SGCZ: variants seen among roughly 807,000 people sequenced by gnomAD.
The protein encoded by SGCZ is sarcoglycan zeta, also known as zeta-sarcoglycan.
Under a neutral mutation model 41.3 loss-of-function variants are expected in SGCZ, and 40 were observed. The ratio of observed to expected loss-of-function variants is 0.97; its 90% CI spans 0.75 to 1.26. The LOEUF (loss-of-function observed/expected upper bound fraction) is 1.26, where lower values mean the gene tolerates loss of function less well. SGCZ is among the 50% of genes most tolerant of loss of function. The probability of loss-of-function intolerance (pLI) is 0.00; values close to 1 mark genes in which losing one functional copy is unlikely to be tolerated. For missense variants in SGCZ, 552 were observed against 369.8 expected, an observed-to-expected ratio of 1.49 and a Z score of -4.04; for synonymous variants, 206 against 137.5, an observed-to-expected ratio of 1.50 and a Z score of -3.49.
chr8:14,473,476 T>TA (rs1801268493), intron 2 of SGCZ, among the ~76,000 whole-genome samples: 1 of 152,074 alleles, frequency 6.6e-6, no homozygotes, highest in African/African-American at 2.4e-5. Flanking sequence ...TACATAACAT[T>TA]AAAAAATGAA....
intron 1 of SGCZ, among the ~76,000 whole-genome samples, chr8:14,772,900 G>C (rs1340403133): frequency 6.6e-6 from 1 of 151,994 alleles, no homozygotes; most frequent in African/African-American, 2.4e-5. Flanking sequence ...CTGTGCATGT[G>C]TCTTTATAGC....
intron 3 of SGCZ, among the ~76,000 whole-genome samples, chr8:14,300,394 G>A (rs1801148120): frequency 6.6e-6 from 1 of 151,642 alleles, no homozygotes; most frequent in Non-Finnish European, 1.5e-5. Context: ...GAATGAGGAA[G>A]GGAAGAATTT....
intron 1 of SGCZ, among the ~76,000 whole-genome samples, chr8:15,182,640 C>T (rs1409180562): frequency 6.6e-6 from 1 of 151,642 alleles, no homozygotes; most frequent in Non-Finnish European, 1.5e-5. Context: ...TAGAAGTTGC[C>T]CTGGGTGAGT....
At chr8:14,821,007 C>T (rs555071905) in intron 1 of SGCZ, among the ~76,000 whole-genome samples, 7 of 149,424 alleles carry the variant, frequency 4.7e-5, no homozygotes, top group African/African-American at 9.8e-5. Context: ...AGTAAAATAG[C>T]GATTCAAAAA....
chr8:15,006,408 AG>A (rs1802607572), intron 1 of SGCZ, among the ~76,000 whole-genome samples: 1 of 152,204 alleles, frequency 6.6e-6, no homozygotes, highest in Non-Finnish European at 1.5e-5. Context: ...GATTTAGAAA[AG>A]GATTTAAATA....
chr8:15,136,742 C>A (rs1808120798), intron 1 of SGCZ, among the ~76,000 whole-genome samples: 1 of 152,138 alleles, frequency 6.6e-6, no homozygotes, highest in Non-Finnish European at 1.5e-5. Context: ...CTGAGGCCTC[C>A]CCAGCCAGGC....
chr8:15,171,321 T>G (rs1290161429), intron 1 of SGCZ, among the ~76,000 whole-genome samples: 1 of 152,196 alleles, frequency 6.6e-6, no homozygotes, highest in Non-Finnish European at 1.5e-5. Context: ...TACTCAACCC[T>G]AGAAAAAAGT....
intron 4 of SGCZ, among the ~76,000 whole-genome samples, chr8:14,187,240 T>C (rs1013092180): frequency 6.6e-6 from 1 of 151,850 alleles, no homozygotes; most frequent in South Asian, 2.1e-4. Context: ...AAATCCAGAG[T>C]TGGGATTATC....
intron 1 of SGCZ, among the ~76,000 whole-genome samples, chr8:14,875,185 G>A (rs909260442): frequency 1.3e-5 from 2 of 152,172 alleles, no homozygotes; most frequent in African/African-American, 2.4e-5. Context: ...AAATGATACC[G>A]TGTTGCTACA....
rs35547590 is a variant in SGCZ, at chr8:14,248,754, CT to C, written c.337-11076del. 1.3e-3 allele frequency among the ~76,000 whole-genome samples: 192 copies of C among 150,130 alleles called. 1 individual carries two copies. The highest frequency in any genetic ancestry group is 4.3e-3 in the Admixed American group (65 of 15,032). On this transcript the variant is annotated intron_variant, in intron 3 of 7. Coordinates refer to ENST00000382080, the MANE Select transcript of SGCZ (RefSeq NM_139167.4). Reference sequence around the variant, plus strand: ...ACATTTGTACTAGTTGAAAAAAAATCTTTTTTTTTCTCCTAAAATCTGCTTG... The same window carrying C: ...ACATTTGTACTAGTTGAAAAAAAATCTTTTTTTTCTCCTAAAATCTGCTTG...
At position 14,790,364 on chromosome 8, in the gene SGCZ, T is replaced by C. The variant is rs77196353; in HGVS notation, c.40-235438A>G. On this transcript the variant is annotated intron_variant, in intron 1 of 7. Coordinates refer to ENST00000382080, the MANE Select transcript of SGCZ (RefSeq NM_139167.4). ...ATAATGACAGCAATAATCTTGTCAA[T>C]GAAACTGTGATGAAATAGCATTCTC... is the stretch of plus-strand genomic sequence containing the variant. Among the ~76,000 whole-genome samples the C allele has an allele frequency of 3.2e-3, 486 of 152,316 alleles. 2 individuals carry two copies. Among genetic ancestry groups the C allele is most frequent in the African/African-American group, 0.011 (461 of 41,578 alleles).
chr8:14,579,123 G>A (rs1007824162), intron 1 of SGCZ, among the ~76,000 whole-genome samples: 1 of 152,008 alleles, frequency 6.6e-6, no homozygotes, highest in Non-Finnish European at 1.5e-5. Context: ...AACAGAAAGA[G>A]AAAATAAAGT....
At chr8:14,134,902 G>C (rs1287987298) in intron 5 of SGCZ, among the ~76,000 whole-genome samples, 1 of 152,120 alleles carries the variant, frequency 6.6e-6, no homozygotes, top group African/African-American at 2.4e-5. Flanking sequence ...AATAGTTCAT[G>C]ATGAGAATGT....
chr8:14,862,304 C>T (rs957608500), intron 1 of SGCZ, among the ~76,000 whole-genome samples: 18 of 151,826 alleles, frequency 1.2e-4, no homozygotes, highest in Non-Finnish European at 2.9e-5. Flanking sequence ...ATTTGAGGGA[C>T]CTGTACTTTG....
intron 2 of SGCZ, among the ~76,000 whole-genome samples, chr8:14,337,999 G>C (rs1470334227): frequency 6.6e-6 from 1 of 152,140 alleles, no homozygotes; most frequent in East Asian, 1.9e-4. Flanking sequence ...GTCCATGGAG[G>C]CTAAGAAAAT....
At chr8:14,712,395 G>T (rs1343276648) in intron 1 of SGCZ, among the ~76,000 whole-genome samples, 1 of 152,116 alleles carries the variant, frequency 6.6e-6, no homozygotes, top group East Asian at 1.9e-4. Context: ...TTTTTACAGA[G>T]GCATCATTAG....
At chr8:15,149,945 C>T (rs1248204338) in intron 1 of SGCZ, among the ~76,000 whole-genome samples, 1 of 152,074 alleles carries the variant, frequency 6.6e-6, no homozygotes, top group Non-Finnish European at 1.5e-5. Context: ...CCAAGGAGTA[C>T]AGTGTAGTCA....
chr8:14,726,311 C>CATAT (rs1202306930), intron 1 of SGCZ, among the ~76,000 whole-genome samples: 1,327 of 107,602 alleles, frequency 0.012, 20 homozygotes, highest in Middle Eastern at 0.043. Context: ...TGTGTAAATA[C>CATAT]ATATATATAT....
At chr8:14,301,680 A>G (rs1250051109) in intron 3 of SGCZ, among the ~76,000 whole-genome samples, 1 of 152,166 alleles carries the variant, frequency 6.6e-6, no homozygotes, top group Non-Finnish European at 1.5e-5. Flanking sequence ...TTTATGGCCC[A>G]AACCCATTTG....
Sources: gnomAD v4.1 joint callset for allele counts (sites outside exome capture counted in the v4.1 genomes callset) on GRCh38, gnomAD v4.1.1 for gene constraint, MANE v1.5 for transcripts, NCBI Gene and HGNC (gene_info 2026-07-23, HGNC 2026-07-21) for gene names.